Variants in PCGF3 observed in about 807,000 individuals in gnomAD.
PCGF3 encodes polycomb group ring finger 3.
PCGF3 carries 7 observed loss-of-function variants against 33.1 expected under a neutral mutation model. That is an observed-to-expected ratio of 0.21 (90% CI 0.12 to 0.40). The LOEUF (loss-of-function observed/expected upper bound fraction) is 0.40. PCGF3 is among the 10% of genes least tolerant of loss of function. PCGF3 has a pLI of 1.00. For missense variants in PCGF3, 211 were observed against 313.3 expected, an observed-to-expected ratio of 0.67 and a Z score of 2.46; for synonymous variants, 153 against 121.3, an observed-to-expected ratio of 1.26 and a Z score of -1.72.
intron 3 of PCGF3, chr4:732,326 CCCCTTCCCTCCTCCCCTCCCTT>C (rs1743616794): frequency 1.6e-5 from 2 of 125,714 alleles, no homozygotes; most frequent in Admixed American, 1.6e-4. Context: ...ACCCTCCCCT[CCCCTTCCCTCCTCCCCTCCCTT>C]CCCTTCCCCT....
At chr4:757,164 A>T (rs925349304) in intron 8 of PCGF3, 1 of 150,434 alleles carries the variant, frequency 6.6e-6, no homozygotes, top group Non-Finnish European at 1.5e-5. Context: ...TCCTTCCACA[A>T]TCCCCCCCAC....
chr4:731,098 A>T, exon 3 of PCGF3: 1 of 398,550 alleles, frequency 2.5e-6, no homozygotes. Flanking sequence ...GGACACGCGG[A>T]CGTCTAGCGG....
Position 764,983 on chromosome 4 carries a change from G to A in PCGF3, c.601-1G>A. The A allele has an allele frequency of 6.2e-7, 1 of 1,613,240 alleles. No homozygotes were observed. The highest frequency in any genetic ancestry group is 8.5e-7 in the Non-Finnish European group (1 of 1,179,270). On this transcript the variant is annotated splice_acceptor_variant, in intron 9 of 10. Transcript: ENST00000362003. LOFTEE classifies it high-confidence loss of function. Reference sequence around the variant, plus strand: ...GCTAATCAAACCTCCTTATCCCCCAGCTGGACATTTTATGCAACGAGGAGA... The same window carrying A: ...GCTAATCAAACCTCCTTATCCCCCAACTGGACATTTTATGCAACGAGGAGA...
intron 8 of PCGF3, among the ~76,000 whole-genome samples, chr4:755,653 T>G (rs1350221665): frequency 1.3e-5 from 2 of 152,182 alleles, no homozygotes; most frequent in East Asian, 3.8e-4. Flanking sequence ...TTTAAAGGTT[T>G]GCTTTTTAGT....
At chr4:764,940 G>T in intron 9 of PCGF3, 44 bp from the exon 10 acceptor site, 3 of 1,403,722 alleles carry the variant, frequency 2.1e-6, no homozygotes, top group Non-Finnish European at 3.0e-6. Flanking sequence ...GTCAGTGTGG[G>T]TTGAGCACCT....
intron 1 of PCGF3, among the ~76,000 whole-genome samples, chr4:727,376 G>C (rs1743377142): frequency 6.6e-6 from 1 of 151,700 alleles, no homozygotes; most frequent in Non-Finnish European, 1.5e-5. Context: ...GAACAGCTGG[G>C]AGTACAGGCA....
chr4:708,941 G>T (rs1255959005), intron 1 of PCGF3, among the ~76,000 whole-genome samples: 1 of 152,202 alleles, frequency 6.6e-6, no homozygotes, highest in Non-Finnish European at 1.5e-5. Flanking sequence ...GGGGACGGGG[G>T]TTGGTTTATT....
At chr4:718,731 G>A (rs892485300) in intron 1 of PCGF3, among the ~76,000 whole-genome samples, 1 of 152,158 alleles carries the variant, frequency 6.6e-6, no homozygotes, top group African/African-American at 2.4e-5. Context: ...CTGGGGGCTC[G>A]ATGTCACAGG....
At chr4:733,569 C>T in intron 3 of PCGF3, 103 bp from the exon 4 acceptor site, 2 of 1,209,188 alleles carry the variant, frequency 1.7e-6, no homozygotes, top group East Asian at 2.5e-5. Context: ...ACCCAGGCCT[C>T]AGGGCCTGCA....
intron 1 of PCGF3, among the ~76,000 whole-genome samples, chr4:714,155 T>C (rs998644296): frequency 5.3e-5 from 8 of 152,156 alleles, no homozygotes; most frequent in African/African-American, 1.9e-4. Flanking sequence ...GTGAGGACTC[T>C]GACCCCACCA....
At chr4:752,696 C>T (rs1011900584) in intron 8 of PCGF3, among the ~76,000 whole-genome samples, 1 of 152,168 alleles carries the variant, frequency 6.6e-6, no homozygotes, top group Non-Finnish European at 1.5e-5. Context: ...GACTTCGACC[C>T]CTGTGTGTGC....
exon 11 of PCGF3, chr4:766,199 A>ATAAC (rs1745363649): frequency 1.3e-6 from 1 of 750,564 alleles, no homozygotes; most frequent in Admixed American, 2.5e-5. Flanking sequence ...GAGAATATTT[A>ATAAC]TAACTTTTGT....
At chr4:766,960 A>AGGT (rs1553849587) in exon 11 of PCGF3, 1 of 151,964 alleles carries the variant, frequency 6.6e-6, no homozygotes, top group Non-Finnish European at 1.5e-5. Flanking sequence ...CTGAAGGGAG[A>AGGT]GGTGGTGGTG....
intron 1 of PCGF3, among the ~76,000 whole-genome samples, chr4:713,118 G>T (rs868663621): frequency 1.4e-5 from 2 of 146,186 alleles, no homozygotes; most frequent in African/African-American, 2.7e-5. Flanking sequence ...GTGTGGTCTG[G>T]TGGGGGCTGT....
chr4:713,166 G>GCCT (rs1742648472), intron 1 of PCGF3, among the ~76,000 whole-genome samples: 1 of 149,548 alleles, frequency 6.7e-6, no homozygotes, highest in South Asian at 2.2e-4. Flanking sequence ...GTCCTGTGTG[G>GCCT]CGTCATGGGG....
At chr4:755,979 C>T (rs143098102) in intron 8 of PCGF3, among the ~76,000 whole-genome samples, 155 of 119,762 alleles carry the variant, frequency 1.3e-3, no homozygotes, top group African/African-American at 4.8e-3. Flanking sequence ...AAGGCCTGAT[C>T]TTGGCTCACC....
At chr4:739,681 G>A (rs143544643) in intron 6 of PCGF3, among the ~76,000 whole-genome samples, 107 of 152,284 alleles carry the variant, frequency 7.0e-4, no homozygotes, top group African/African-American at 2.5e-3. Flanking sequence ...GTGCTGAGCC[G>A]GGTGGCACTG....
chr4:721,911 T>G lies in PCGF3; in HGVS notation c.-189-8719T>G, dbSNP rs1325994033. Reference sequence around the variant, plus strand: ...CTGCGTGTGGGCGTGGAGAGAGGCCTGTGGGAGGTGGGTGGACATGTGTCG... The same window carrying G: ...CTGCGTGTGGGCGTGGAGAGAGGCCGGTGGGAGGTGGGTGGACATGTGTCG... On this transcript the variant is annotated intron_variant, in intron 1 of 10. Coordinates refer to ENST00000362003, the Ensembl canonical transcript of PCGF3. The surrounding 1 kb of genome is among the most constrained non-coding windows in gnomAD (Gnocchi z 4.1). Among the ~76,000 whole-genome samples, 2 of 149,314 alleles carry G rather than the reference T, an allele frequency of 1.3e-5. No homozygotes were observed. The highest frequency in any genetic ancestry group is 2.9e-5 in the Non-Finnish European group (2 of 67,810).
intron 9 of PCGF3, among the ~76,000 whole-genome samples, chr4:764,197 G>A (rs908099831): frequency 5.3e-5 from 8 of 152,246 alleles, no homozygotes; most frequent in Non-Finnish European, 1.2e-4. Flanking sequence ...GTGCCCCCAT[G>A]CAGGGTGTTG....
Sources: allele counts gnomAD v4.1 joint callset (sites outside exome capture counted in the v4.1 genomes callset), GRCh38; gene constraint gnomAD v4.1.1; non-coding constraint Gnocchi (gnomAD v3.1); transcripts MANE v1.5; gene names NCBI Gene and HGNC (gene_info 2026-07-23, HGNC 2026-07-21).